The following LRRC37A2 variants were observed in gnomAD, a reference collection of about 807,000 sequenced individuals.
LRRC37A2 encodes leucine-rich repeat-containing protein 37A2.
A neutral mutation model predicts 68.8 loss-of-function variants in LRRC37A2; 9 were observed. The ratio of observed to expected loss-of-function variants is 0.13; its 90% CI spans 0.08 to 0.23. The LOEUF (loss-of-function observed/expected upper bound fraction) is 0.23, where lower values mean the gene tolerates loss of function less well. LRRC37A2 is among the 10% of genes least tolerant of loss of function. LRRC37A2 has a pLI of 1.00. For missense variants in LRRC37A2, 168 were observed against 950.4 expected (o/e 0.18, Z 10.82); for synonymous variants, 63 against 367.6 (o/e 0.17, Z 9.48).
the LRRC37A2 span, among the ~76,000 whole-genome samples, chr17:46,724,940 C>G: frequency 1.9e-3 from 285 of 152,230 alleles, 3 homozygotes; most frequent in Admixed American, 0.014. Context: ...TCTCCAACTT[C>G]TCACTTAATA....
At chr17:46,865,257 C>T in the LRRC37A2 span, among the ~76,000 whole-genome samples, 4 of 152,222 alleles carry the variant, frequency 2.6e-5, no homozygotes, top group East Asian at 1.9e-4. Flanking sequence ...GCTTGCTGTG[C>T]GAGCTGCTCA....
At chr17:46,602,606 G>GT in the LRRC37A2 span, 1 of 55,874 alleles carries the variant, frequency 1.8e-5, no homozygotes, top group African/African-American at 8.2e-5. Context: ...GCATTGGTGG[G>GT]TTTTTAAAAA....
the LRRC37A2 span, among the ~76,000 whole-genome samples, chr17:46,852,389 A>AGTGTGTGTGTGTGT: frequency 1.9e-4 from 20 of 105,378 alleles, 1 homozygote; most frequent in African/African-American, 4.8e-4. Flanking sequence ...GAGAGGGCCC[A>AGTGTGTGTGTGTGT]GTGTGTGTGT....
the LRRC37A2 span, among the ~76,000 whole-genome samples, chr17:46,776,171 G>A: frequency 6.6e-6 from 1 of 152,198 alleles, no homozygotes; most frequent in African/African-American, 2.4e-5. Flanking sequence ...TCATCACTAT[G>A]TGACCCTGCC....
the LRRC37A2 span, among the ~76,000 whole-genome samples, chr17:46,879,218 C>T: frequency 6.6e-6 from 1 of 152,054 alleles, no homozygotes; most frequent in Non-Finnish European, 1.5e-5. Flanking sequence ...TCCCGGAAAC[C>T]CTCTGTCTGG....
the LRRC37A2 span, chr17:46,936,942 G>T: frequency 2.7e-6 from 1 of 368,432 alleles, no homozygotes; most frequent in Non-Finnish European, 3.7e-6. Flanking sequence ...GTTTCTCTCA[G>T]TTGCTCATTA....
the LRRC37A2 span, chr17:46,929,481 A>G: frequency 8.7e-6 from 9 of 1,031,900 alleles, no homozygotes; most frequent in Non-Finnish European, 1.4e-5. Context: ...GCTGTTGATT[A>G]CTCCTGTCTC....
the LRRC37A2 span, among the ~76,000 whole-genome samples, chr17:47,020,325 A>C: frequency 1.1e-3 from 166 of 147,762 alleles, 4 homozygotes; most frequent in African/African-American, 2.6e-3. Flanking sequence ...GAAACACTTC[A>C]TCAGTGCTTA....
chr17:46,874,945 G>C, the LRRC37A2 span: 1 of 1,166,162 alleles, frequency 8.6e-7, no homozygotes, highest in Non-Finnish European at 1.3e-6. Flanking sequence ...AGACCCACCC[G>C]GAGCTGTGTC....
At chr17:46,690,611 C>CAAAAAAA in the LRRC37A2 span, among the ~76,000 whole-genome samples, 1 of 91,864 alleles carries the variant, frequency 1.1e-5, no homozygotes, top group Non-Finnish European at 2.1e-5. Context: ...GACTCCGTCT[C>CAAAAAAA]AAAAAAAAAA....
the LRRC37A2 span, chr17:46,818,515 T>C: frequency 6.2e-7 from 1 of 1,605,644 alleles, no homozygotes; most frequent in South Asian, 1.1e-5. Flanking sequence ...AGGCGAGTCT[T>C]ACCACCAAAT....
the LRRC37A2 span, among the ~76,000 whole-genome samples, chr17:46,956,033 C>A: frequency 6.6e-6 from 1 of 152,094 alleles, no homozygotes; most frequent in African/African-American, 2.4e-5. Context: ...GCCTCCTTGG[C>A]AAGACAGGAA....
At chr17:46,534,720 C>T (rs1357244592) in intron 6 of LRRC37A2, among the ~76,000 whole-genome samples, 3 of 150,176 alleles carry the variant, frequency 2.0e-5, no homozygotes, top group Non-Finnish European at 4.4e-5. Flanking sequence ...GTACACCTCC[C>T]AGACGGGGTG....
At chr17:46,870,487 C>T in the LRRC37A2 span, among the ~76,000 whole-genome samples, 1 of 152,228 alleles carries the variant, frequency 6.6e-6, no homozygotes, top group East Asian at 1.9e-4. Context: ...GGTCCCTGCC[C>T]TCACCCTGTC....
the LRRC37A2 span, among the ~76,000 whole-genome samples, chr17:46,716,354 T>C: frequency 6.6e-6 from 1 of 152,010 alleles, no homozygotes; most frequent in African/African-American, 2.4e-5. Flanking sequence ...CCTCCCGGGT[T>C]CATGCCATTC....
chr17:46,897,102 G>A, the LRRC37A2 span, among the ~76,000 whole-genome samples: 4 of 152,170 alleles, frequency 2.6e-5, no homozygotes, highest in African/African-American at 9.7e-5. Flanking sequence ...AATCTGCTGC[G>A]ACCGCTCGAG....
chr17:46,989,354 T>G, the LRRC37A2 span, among the ~76,000 whole-genome samples: 1 of 152,328 alleles, frequency 6.6e-6, no homozygotes, highest in East Asian at 1.9e-4. Flanking sequence ...GTGCTCAGAA[T>G]TGTAAAGACA....
At chr17:46,784,772 C>CTTTTT in the LRRC37A2 span, among the ~76,000 whole-genome samples, 1 of 112,354 alleles carries the variant, frequency 8.9e-6, no homozygotes. Flanking sequence ...CCCCTTTTTG[C>CTTTTT]TTTTCTTTTT....
the LRRC37A2 span, among the ~76,000 whole-genome samples, chr17:46,943,479 C>T: frequency 6.6e-6 from 1 of 152,214 alleles, no homozygotes; most frequent in African/African-American, 2.4e-5. Flanking sequence ...CTCAGATGTG[C>T]CACAAACACC....
Sources: allele counts gnomAD v4.1 joint callset (sites outside exome capture counted in the v4.1 genomes callset), GRCh38; gene constraint gnomAD v4.1.1; transcripts MANE v1.5; gene names NCBI Gene and HGNC (gene_info 2026-07-23, HGNC 2026-07-21).